The following RIMS2 variants were observed in gnomAD, a reference collection of about 807,000 sequenced individuals.
The protein encoded by RIMS2 is regulating synaptic membrane exocytosis protein 2.
Under a neutral mutation model 174.4 loss-of-function variants are expected in RIMS2, and 59 were observed. The ratio of observed to expected loss-of-function variants is 0.34; its 90% CI spans 0.27 to 0.42. The LOEUF (loss-of-function observed/expected upper bound fraction) is 0.42, where lower values mean the gene tolerates loss of function less well. Among genes scored for constraint, RIMS2 ranks in the 10% least tolerant of loss-of-function variants. The probability of loss-of-function intolerance (pLI) is 1.00; values close to 1 mark genes in which losing one functional copy is unlikely to be tolerated. For synonymous variants in RIMS2, 606 were observed against 572.5 expected, an observed-to-expected ratio of 1.06 and a Z score of -0.84; for missense variants, 1,620 against 1,666.3, an observed-to-expected ratio of 0.97 and a Z score of 0.48.
intron 19 of RIMS2, among the ~76,000 whole-genome samples, chr8:104,191,587 G>A (rs1586939134): frequency 6.6e-6 from 1 of 152,208 alleles, no homozygotes; most frequent in East Asian, 1.9e-4. Context: ...ATATTTAGAA[G>A]CTTTAGCCGT....
chr8:103,816,390 G>A (rs2098718724), intron 3 of RIMS2, among the ~76,000 whole-genome samples: 1 of 152,180 alleles, frequency 6.6e-6, no homozygotes, highest in African/African-American at 2.4e-5. Context: ...TTCAACAAAT[G>A]TTTAATGAAC....
rs138810843 is a variant in RIMS2, at chr8:103,948,915, C to T, written c.2701+5989C>T. Among the ~76,000 whole-genome samples, 43 of 150,838 alleles carry T rather than the reference C, an allele frequency of 2.9e-4. No individual in the cohort carries two copies. The East Asian group carries it at 6.8e-3, about 24-fold the overall frequency. On this transcript the variant is annotated intron_variant, in intron 14 of 23. Transcript: ENST00000504942. ...CTGAGGTGGGAGAATTGATTGAGCC[C>T]GAGAGTTCGAGACCAACCTGTACAA... is the stretch of plus-strand genomic sequence containing the variant.
At chr8:103,516,193 C>G (rs1828882651) in intron 1 of RIMS2, among the ~76,000 whole-genome samples, 1 of 152,094 alleles carries the variant, frequency 6.6e-6, no homozygotes, top group African/African-American at 2.4e-5. Flanking sequence ...TGGCAAGGTG[C>G]AGGCATTGTT....
At chr8:104,086,275 T>G (rs1189681466) in intron 19 of RIMS2, among the ~76,000 whole-genome samples, 5 of 150,334 alleles carry the variant, frequency 3.3e-5, no homozygotes, top group East Asian at 3.9e-4. Context: ...GGTTTTTTTT[T>G]TTTTTTTTTT....
At chr8:103,629,145 A>G (rs1402546413) in intron 1 of RIMS2, among the ~76,000 whole-genome samples, 4 of 152,100 alleles carry the variant, frequency 2.6e-5, no homozygotes, top group African/African-American at 4.8e-5. Context: ...ACCTGACTCA[A>G]CTGGGTGCTG....
At chr8:103,607,127 CA>C (rs1563983817) in intron 1 of RIMS2, among the ~76,000 whole-genome samples, 2 of 152,120 alleles carry the variant, frequency 1.3e-5, no homozygotes, top group Admixed American at 6.5e-5. Flanking sequence ...CATGATTTTG[CA>C]GTGGCTGGTG....
chr8:103,986,090 T>G (rs545407834), intron 16 of RIMS2, among the ~76,000 whole-genome samples: 3 of 152,326 alleles, frequency 2.0e-5, no homozygotes, highest in African/African-American at 7.2e-5. Context: ...AGATTTAAAG[T>G]GTTCTCACAC....
At chr8:103,653,932 T>C (rs1481552189) in intron 1 of RIMS2, among the ~76,000 whole-genome samples, 1 of 152,086 alleles carries the variant, frequency 6.6e-6, no homozygotes, top group African/African-American at 2.4e-5. Flanking sequence ...TCAATAAATA[T>C]TTCTTCACAA....
At chr8:103,563,085 G>A (rs1382733548) in intron 1 of RIMS2, among the ~76,000 whole-genome samples, 2 of 152,066 alleles carry the variant, frequency 1.3e-5, no homozygotes, top group Non-Finnish European at 2.9e-5. Flanking sequence ...TGATGGGAGG[G>A]GCTGCAGCAA....
At chr8:103,935,180 A>C (rs2080967054) in intron 12 of RIMS2, among the ~76,000 whole-genome samples, 1 of 152,206 alleles carries the variant, frequency 6.6e-6, no homozygotes, top group Non-Finnish European at 1.5e-5. Context: ...AAGATCATAC[A>C]TCACAGTCCT....
chr8:103,907,933 A>C (rs2074821126), intron 4 of RIMS2, among the ~76,000 whole-genome samples: 1 of 149,224 alleles, frequency 6.7e-6, no homozygotes, highest in African/African-American at 2.5e-5. Context: ...TTTTTTTAGT[A>C]GAGACGGGGT....
chr8:103,795,292 A>C (rs1592606093), intron 3 of RIMS2, among the ~76,000 whole-genome samples: 1 of 152,194 alleles, frequency 6.6e-6, no homozygotes, highest in Non-Finnish European at 1.5e-5. Flanking sequence ...AGGGACATGG[A>C]TGCAGGTGGA....
At chr8:103,777,765 C>A (rs1334809778) in intron 3 of RIMS2, among the ~76,000 whole-genome samples, 1 of 151,674 alleles carries the variant, frequency 6.6e-6, no homozygotes, top group African/African-American at 2.4e-5. Flanking sequence ...TTAAAATGGG[C>A]TGTATGCATT....
intron 19 of RIMS2, among the ~76,000 whole-genome samples, chr8:104,025,170 G>A (rs1042852431): frequency 2.0e-5 from 3 of 152,058 alleles, no homozygotes; most frequent in Non-Finnish European, 2.9e-5. Flanking sequence ...AAATAACTTG[G>A]TATGTTAAAA....
intron 19 of RIMS2, among the ~76,000 whole-genome samples, chr8:104,206,653 T>C (rs898006153): frequency 3.9e-5 from 6 of 152,238 alleles, no homozygotes; most frequent in Non-Finnish European, 7.3e-5. Flanking sequence ...ATAGAGATTT[T>C]AAGCAATTGC....
chr8:103,950,086 A>G (rs2084951396), intron 14 of RIMS2, among the ~76,000 whole-genome samples: 1 of 152,138 alleles, frequency 6.6e-6, no homozygotes, highest in African/African-American at 2.4e-5. Context: ...GAAAGAAATA[A>G]CTTGAGTAGC....
chr8:104,180,429 A>C (rs1225492998), intron 19 of RIMS2, among the ~76,000 whole-genome samples: 1 of 151,124 alleles, frequency 6.6e-6, no homozygotes, highest in Non-Finnish European at 1.5e-5. Flanking sequence ...AGTACTCAAC[A>C]ACAGATTATT....
intron 14 of RIMS2, among the ~76,000 whole-genome samples, chr8:103,950,892 A>G (rs2085184359): frequency 6.6e-6 from 1 of 152,212 alleles, no homozygotes; most frequent in Non-Finnish European, 1.5e-5. Context: ...TACAAAAACT[A>G]TTATAAGAAG....
At chr8:103,648,459 A>C (rs13263814) in intron 1 of RIMS2, among the ~76,000 whole-genome samples, 17,663 of 152,086 alleles carry the variant, frequency 0.12, 1,379 homozygotes, top group Non-Finnish European at 0.17. Flanking sequence ...TATCAGGTCC[A>C]TTTGATTCAG....
Sources: allele counts gnomAD v4.1 joint callset (sites outside exome capture counted in the v4.1 genomes callset), GRCh38; gene constraint gnomAD v4.1.1; transcripts MANE v1.5; gene names NCBI Gene and HGNC (gene_info 2026-07-23, HGNC 2026-07-21).